The following KIAA1958 variants were observed in gnomAD, a reference collection of about 807,000 sequenced individuals.
The protein encoded by KIAA1958 is KIAA1958.
In KIAA1958, 14 loss-of-function variants were observed where a neutral mutation model predicts 47.2. That is an observed-to-expected ratio of 0.30 (90% confidence interval 0.20 to 0.46). The LOEUF (loss-of-function observed/expected upper bound fraction) is 0.46. Among genes scored for constraint, KIAA1958 ranks in the 20% least tolerant of loss-of-function variants. The pLI is 1.00. For synonymous variants in KIAA1958, 354 were observed against 353.3 expected, an observed-to-expected ratio of 1.00 and a Z score of -0.02; for missense variants, 803 against 909.2, an observed-to-expected ratio of 0.88 and a Z score of 1.50.
At chr9:112,547,998 CTTTTTTTTTTTTTTTTT>C (rs372918486) in intron 1 of KIAA1958, among the ~76,000 whole-genome samples, 4 of 94,570 alleles carry the variant, frequency 4.2e-5, no homozygotes, top group African/African-American at 1.7e-4. Context: ...GTCAGAAAAT[CTTTTTTTTTTTTTTTTT>C]TTTTTTTTTT....
intron 2 of KIAA1958, among the ~76,000 whole-genome samples, chr9:112,592,329 A>G (rs1835938761): frequency 1.3e-5 from 2 of 152,186 alleles, no homozygotes; most frequent in African/African-American, 4.8e-5. Context: ...AGATCACACC[A>G]CTGCACTCCA....
At chr9:112,652,861 C>T (rs773995468) in intron 3 of KIAA1958, among the ~76,000 whole-genome samples, 10 of 152,250 alleles carry the variant, frequency 6.6e-5, no homozygotes, top group Non-Finnish European at 1.0e-4. Context: ...TCAAGCAATC[C>T]GCCCACCTTA....
intron 1 of KIAA1958, among the ~76,000 whole-genome samples, chr9:112,520,555 A>G (rs1834521788): frequency 6.6e-6 from 1 of 152,256 alleles, no homozygotes; most frequent in South Asian, 2.1e-4. Context: ...AAGAAGCAGA[A>G]GCACTGATTG....
intron 3 of KIAA1958, among the ~76,000 whole-genome samples, chr9:112,651,321 G>A (rs1837051358): frequency 1.3e-5 from 2 of 150,760 alleles, no homozygotes; most frequent in Non-Finnish European, 3.0e-5. Flanking sequence ...TATAGAATAT[G>A]TTCTCTGTCC....
intron 2 of KIAA1958, among the ~76,000 whole-genome samples, chr9:112,615,141 G>T (rs749643749): frequency 3.9e-5 from 6 of 152,100 alleles, no homozygotes; most frequent in Non-Finnish European, 8.8e-5. Context: ...AGAGGAGGAG[G>T]CCGGGCATGG....
chr9:112,604,658 G>A (rs1345240801), intron 2 of KIAA1958, among the ~76,000 whole-genome samples: 4 of 152,120 alleles, frequency 2.6e-5, no homozygotes, highest in Admixed American at 6.6e-5. Flanking sequence ...GGGAGCTAAC[G>A]TAAATGCAAG....
intron 2 of KIAA1958, among the ~76,000 whole-genome samples, chr9:112,588,373 G>A (rs1195197737): frequency 1.3e-5 from 2 of 152,058 alleles, no homozygotes; most frequent in Non-Finnish European, 2.9e-5. Flanking sequence ...CCATGTAAAG[G>A]GCTTAGAACA....
intron 2 of KIAA1958, among the ~76,000 whole-genome samples, chr9:112,601,350 A>G (rs1836128499): frequency 6.6e-6 from 1 of 152,224 alleles, no homozygotes; most frequent in African/African-American, 2.4e-5. Context: ...TGGGAAATAA[A>G]AACTTTCAGA....
chr9:112,566,557 G>A (rs145031395), intron 1 of KIAA1958, among the ~76,000 whole-genome samples: 1 of 152,192 alleles, frequency 6.6e-6, no homozygotes, highest in African/African-American at 2.4e-5. Context: ...GGGTGTTCAA[G>A]AACACAGTGA....
chr9:112,569,645 A>G (rs1003446169), intron 1 of KIAA1958, among the ~76,000 whole-genome samples: 2 of 148,934 alleles, frequency 1.3e-5, no homozygotes, highest in African/African-American at 5.0e-5. Context: ...TTTTGAGACA[A>G]GTTTTGCTCT....
chr9:112,634,676 G>C (rs1308739067), intron 2 of KIAA1958, among the ~76,000 whole-genome samples: 1 of 152,188 alleles, frequency 6.6e-6, no homozygotes. Flanking sequence ...TGATTTTTCA[G>C]ATAAATGTAC....
intron 2 of KIAA1958, among the ~76,000 whole-genome samples, chr9:112,577,998 G>T (rs1181024218): frequency 1.3e-5 from 2 of 152,090 alleles, no homozygotes; most frequent in African/African-American, 4.8e-5. Flanking sequence ...ATGAAGACTG[G>T]TCATGACGAT....
intron 2 of KIAA1958, among the ~76,000 whole-genome samples, chr9:112,604,549 A>C (rs1388613379): frequency 6.6e-6 from 1 of 152,224 alleles, no homozygotes; most frequent in Non-Finnish European, 1.5e-5. Flanking sequence ...AAGAGAATCT[A>C]TCCAGTCTTC....
intron 2 of KIAA1958, among the ~76,000 whole-genome samples, chr9:112,576,755 T>G (rs1393760649): frequency 1.3e-5 from 2 of 152,180 alleles, no homozygotes; most frequent in Non-Finnish European, 2.9e-5. Flanking sequence ...TGATGGACAT[T>G]GGGGTTGTGT....
intron 1 of KIAA1958, among the ~76,000 whole-genome samples, chr9:112,487,973 G>GTGTGTGTGTT (rs747494684): frequency 6.7e-6 from 1 of 150,264 alleles, no homozygotes; most frequent in Non-Finnish European, 1.5e-5. Flanking sequence ...GTGTGTGTGT[G>GTGTGTGTGTT]TTTTGAAGTT....
intron 2 of KIAA1958, among the ~76,000 whole-genome samples, chr9:112,638,359 G>A (rs1373713099): frequency 6.6e-6 from 1 of 151,866 alleles, no homozygotes; most frequent in Non-Finnish European, 1.5e-5. Flanking sequence ...GTAAAAATTA[G>A]CCAGGTGTTG....
intron 2 of KIAA1958, among the ~76,000 whole-genome samples, chr9:112,595,965 A>C (rs1157576855): frequency 1.3e-5 from 2 of 151,958 alleles, no homozygotes; most frequent in Non-Finnish European, 2.9e-5. Context: ...TTGCATTTTT[A>C]GTAAAGACGG....
chr9:112,626,760 T>C (rs1836620423), intron 2 of KIAA1958, among the ~76,000 whole-genome samples: 1 of 152,110 alleles, frequency 6.6e-6, no homozygotes, highest in African/African-American at 2.4e-5. Context: ...ACCCATTAGA[T>C]TGTTACAACT....
At chr9:112,488,592 G>A (rs1833910353) in intron 1 of KIAA1958, among the ~76,000 whole-genome samples, 1 of 152,040 alleles carries the variant, frequency 6.6e-6, no homozygotes, top group Non-Finnish European at 1.5e-5. Flanking sequence ...TTAAAAAAAC[G>A]AAGAAGCAGT....
Sources: allele counts gnomAD v4.1 joint callset (sites outside exome capture counted in the v4.1 genomes callset), GRCh38; gene constraint gnomAD v4.1.1; transcripts MANE v1.5; gene names NCBI Gene and HGNC (gene_info 2026-07-23, HGNC 2026-07-21).